The following FUT8 variants were observed in gnomAD, a reference collection of about 807,000 sequenced individuals.
The protein encoded by FUT8 is alpha-(1,6)-fucosyltransferase.
Under a neutral mutation model 71.3 loss-of-function variants are expected in FUT8, and 29 were observed. That is an observed-to-expected ratio of 0.41 (90% confidence interval 0.30 to 0.55). The LOEUF is 0.55. Ranked by LOEUF, FUT8 falls within the 20% of genes least tolerant of loss-of-function variation. FUT8 has a pLI of 0.34. For missense variants in FUT8, 544 were observed against 702.1 expected (o/e 0.77, Z 2.55); for synonymous variants, 254 against 239.3 (o/e 1.06, Z -0.57).
intron 7 of FUT8, among the ~76,000 whole-genome samples, chr14:65,687,433 T>C (rs1270878831): frequency 1.3e-5 from 2 of 152,192 alleles, no homozygotes; most frequent in Non-Finnish European, 2.9e-5. Context: ...ATTTTGGTGA[T>C]GCCAAATCTG....
intron 3 of FUT8, among the ~76,000 whole-genome samples, chr14:65,614,985 G>GTTGATA (rs1274123129): frequency 6.6e-6 from 1 of 152,166 alleles, no homozygotes; most frequent in African/African-American, 2.4e-5. Flanking sequence ...GAACAGAGAG[G>GTTGATA]TTGATAATAT....
intron 2 of FUT8, among the ~76,000 whole-genome samples, chr14:65,545,214 G>A (rs773182084): frequency 6.6e-6 from 1 of 151,836 alleles, no homozygotes; most frequent in African/African-American, 2.4e-5. Flanking sequence ...CGTATAGGGA[G>A]CAAAGCAATA....
rs79356695 is a variant in FUT8, at chr14:65,590,007, C to A, written c.204-25971C>A. Among the ~76,000 whole-genome samples, 359 of 152,316 alleles carry A rather than the reference C, an allele frequency of 2.4e-3. 1 individual carries two copies. The highest frequency in any genetic ancestry group is 3.9e-3 in the Non-Finnish European group (262 of 68,016). ...TAGAGGTAACATCTTCTATTAGTTT[C>A]TTCTGCTTCCTTTCAAAGATATCCT... On this transcript the variant is annotated intron_variant, in intron 3 of 10. Transcript: ENST00000673929.
chr14:65,649,593 T>A (rs1051006197), intron 6 of FUT8, among the ~76,000 whole-genome samples: 1 of 152,206 alleles, frequency 6.6e-6, no homozygotes, highest in Admixed American at 6.5e-5. Context: ...GAAATAAAGC[T>A]GAACTCTAAG....
chr14:65,393,729 T>A, the FUT8 span, among the ~76,000 whole-genome samples: 15 of 152,164 alleles, frequency 9.9e-5, no homozygotes, highest in African/African-American at 3.4e-4. Context: ...GGAGGGGGAC[T>A]AGTCAGGGCT....
intron 3 of FUT8, among the ~76,000 whole-genome samples, chr14:65,590,800 A>G (rs1887643878): frequency 6.6e-6 from 1 of 152,212 alleles, no homozygotes; most frequent in Non-Finnish European, 1.5e-5. Flanking sequence ...TACATGTCTA[A>G]GGGCAAAGGA....
At position 65,685,653 on chromosome 14, in the gene FUT8, C is replaced by T. The variant is rs182791578; in HGVS notation, c.835+16173C>T. 9.8e-5 allele frequency among the ~76,000 whole-genome samples: 15 copies of T among 152,302 alleles called. 1 individual carries two copies. Among genetic ancestry groups the T allele is most frequent in the Admixed American group, 8.5e-4 (13 of 15,306 alleles). On this transcript the variant is annotated intron_variant, in intron 7 of 10. Transcript: ENST00000673929. ...CCATTTTTATGATTATTTCTTGTTA[C>T]ATGCTAAACAGAAGGTAAATTATTC...
At chr14:65,589,725 T>G (rs1887586825) in intron 3 of FUT8, among the ~76,000 whole-genome samples, 1 of 152,226 alleles carries the variant, frequency 6.6e-6, no homozygotes, top group Non-Finnish European at 1.5e-5. Flanking sequence ...ATTACAGGCC[T>G]GAGCCACCAT....
intron 5 of FUT8, among the ~76,000 whole-genome samples, chr14:65,621,149 G>A (rs1889584905): frequency 6.6e-6 from 1 of 151,974 alleles, no homozygotes; most frequent in South Asian, 2.1e-4. Flanking sequence ...ACTTACTAAG[G>A]ATTTCTTACA....
At chr14:65,585,314 G>A (rs1887323117) in intron 3 of FUT8, among the ~76,000 whole-genome samples, 2 of 152,080 alleles carry the variant, frequency 1.3e-5, no homozygotes, top group Non-Finnish European at 1.5e-5. Flanking sequence ...AGCCTCCCAA[G>A]CAGCTGGAGG....
At chr14:65,714,679 G>A (rs1412799417) in intron 7 of FUT8, among the ~76,000 whole-genome samples, 1 of 151,868 alleles carries the variant, frequency 6.6e-6, no homozygotes, top group Non-Finnish European at 1.5e-5. Flanking sequence ...GGATAGTATG[G>A]GCATTTTAAC....
intron 6 of FUT8, among the ~76,000 whole-genome samples, chr14:65,654,725 C>T (rs11627184): frequency 0.36 from 54,408 of 151,830 alleles, 11,944 homozygotes; most frequent in Non-Finnish European, 0.5. Context: ...TCAGAGTATG[C>T]ATAGACAAGG....
At chr14:65,612,505 G>A (rs1310136464) in intron 3 of FUT8, among the ~76,000 whole-genome samples, 1 of 152,168 alleles carries the variant, frequency 6.6e-6, no homozygotes, top group Non-Finnish European at 1.5e-5. Context: ...AGTTCCTTAT[G>A]TGTGTGTGCT....
At chr14:65,656,325 T>C (rs541815314) in intron 6 of FUT8, among the ~76,000 whole-genome samples, 2 of 151,764 alleles carry the variant, frequency 1.3e-5, no homozygotes, top group Admixed American at 6.6e-5. Flanking sequence ...ATATCAGTAT[T>C]GTTTCTATAT....
intron 2 of FUT8, among the ~76,000 whole-genome samples, chr14:65,470,012 C>G (rs940455057): frequency 2.6e-5 from 4 of 152,236 alleles, no homozygotes; most frequent in Non-Finnish European, 5.9e-5. Flanking sequence ...ACCCAGGAGC[C>G]TGTCTGCTTC....
At chr14:65,726,757 T>G (rs1180835808) in intron 9 of FUT8, among the ~76,000 whole-genome samples, 1 of 152,206 alleles carries the variant, frequency 6.6e-6, no homozygotes, top group Non-Finnish European at 1.5e-5. Flanking sequence ...TTAACTCATT[T>G]AAGCATTAAC....
chr14:65,484,331 G>A (rs2139693056), intron 2 of FUT8, among the ~76,000 whole-genome samples: 1 of 152,262 alleles, frequency 6.6e-6, no homozygotes, highest in Non-Finnish European at 1.5e-5. Flanking sequence ...ATCTTAGGGG[G>A]AAAGCATCTA....
chr14:65,503,576 C>T (rs2066680417), intron 2 of FUT8, among the ~76,000 whole-genome samples: 1 of 152,164 alleles, frequency 6.6e-6, no homozygotes, highest in South Asian at 2.1e-4. Context: ...TAATTTCTAT[C>T]TGCTAACACA....
upstream of FUT8, among the ~76,000 whole-genome samples, chr14:65,406,743 G>A (rs1415657841): frequency 1.3e-5 from 2 of 152,118 alleles, no homozygotes; most frequent in African/African-American, 4.8e-5. Context: ...TCACCATGTT[G>A]GCCAGGCTGG....
Sources: gnomAD v4.1 joint callset for allele counts (sites outside exome capture counted in the v4.1 genomes callset) on GRCh38, gnomAD v4.1.1 for gene constraint, MANE v1.5 for transcripts, NCBI Gene and HGNC (gene_info 2026-07-23, HGNC 2026-07-21) for gene names.